The following DNAAF9 variants were observed in gnomAD, a reference collection of about 807,000 sequenced individuals.
DNAAF9 encodes dynein axonemal assembly factor 9.
DNAAF9 carries 90 observed loss-of-function variants against 167.0 expected under a neutral mutation model. That is an observed-to-expected ratio of 0.54 (90% CI 0.45 to 0.64). The LOEUF (loss-of-function observed/expected upper bound fraction) is 0.64. DNAAF9 is among the 30% of genes least tolerant of loss of function. DNAAF9 has a pLI of 0.00. For missense variants in DNAAF9, 1,315 were observed against 1,442.2 expected, an observed-to-expected ratio of 0.91 and a Z score of 1.43; for synonymous variants, 491 against 508.8, an observed-to-expected ratio of 0.96 and a Z score of 0.47.
intron 27 of DNAAF9, among the ~76,000 whole-genome samples, chr20:3,284,859 T>TTGTGTGTGTGTATGTG (rs2068824125): frequency 6.6e-6 from 1 of 151,972 alleles, no homozygotes; most frequent in African/African-American, 2.4e-5. Context: ...TTACTTATAT[T>TTGTGTGTGTGTATGTG]TGTGTGTGTG....
At chr20:3,335,541 G>A (rs1317140969) in intron 10 of DNAAF9, among the ~76,000 whole-genome samples, 1 of 152,084 alleles carries the variant, frequency 6.6e-6, no homozygotes, top group Non-Finnish European at 1.5e-5. Context: ...TGGATCACCT[G>A]AGGTCAGGAG....
chr20:3,397,724 G>T (rs2083930226), intron 1 of DNAAF9, among the ~76,000 whole-genome samples: 1 of 151,508 alleles, frequency 6.6e-6, no homozygotes, highest in Non-Finnish European at 1.5e-5. Context: ...TTTTTTGGGG[G>T]GGGGGAACAT....
intron 30 of DNAAF9, 77 bp from the exon 31 acceptor site, chr20:3,264,601 C>T (rs907322999): frequency 2.9e-5 from 23 of 788,588 alleles, no homozygotes; most frequent in South Asian, 1.3e-4. Context: ...GACGGAGTCT[C>T]GCTCTGTCGC....
At position 3,376,261 on chromosome 20, in the gene DNAAF9, A is replaced by C; in HGVS notation, c.325T>G (p.Cys109Gly). 2 of 1,612,928 alleles carry C rather than the reference A, an allele frequency of 1.2e-6. No individual in the cohort carries two copies. Among genetic ancestry groups the C allele is most frequent in the Non-Finnish European group, 1.7e-6 (2 of 1,179,034 alleles). The change falls in exon 4 of 37, where the codon TGT (cysteine) becomes GGT (glycine). Residue 109 changes from cysteine to glycine, a missense_variant. This residue lies in a region of DNAAF9 where 981 missense variants were observed against 1,012.5 expected (regional missense o/e 0.97). Coordinates refer to ENST00000252032, the MANE Select transcript of DNAAF9 (RefSeq NM_001009984.3). ...AGATAGCGAAAGTTTACAGGATTAC[A>C]GTACAGATGGACGCTATCCGATTTA... ...LIKSDSVHLY[C>G]NPVNFRYLLP...
Position 3,322,635 on chromosome 20 carries a change from C to G in DNAAF9, c.1310+17G>C. The stretch of plus-strand genomic sequence containing the variant: ...AAACTTGCTCCATGTAAGGATGCAC[C>G]ACAATCATATACGCACCTTCCCTGA... On this transcript the variant is annotated intron_variant, in intron 15 of 36. Transcript: ENST00000252032. 1 of 1,598,644 alleles carries G rather than the reference C, an allele frequency of 6.3e-7. No individual in the cohort carries two copies. The highest frequency in any genetic ancestry group is 8.6e-7 in the Non-Finnish European group (1 of 1,165,916).
In DNAAF9 at chr20:3,406,456, C is replaced by A. The variant is rs562034471; in HGVS notation, c.83+1019G>T. Among the ~76,000 whole-genome samples, 26 of 152,264 alleles carry A rather than the reference C, an allele frequency of 1.7e-4. 1 individual carries two copies. In the South Asian group the frequency reaches 4.1e-3, roughly 24 times the overall value. ...ACAGTTTAGCAGTACCAAAGCTCAT[C>A]GCTCGCATTCCCCCTCTCCCTCTCC... On this transcript the variant is annotated intron_variant, in intron 1 of 36. Coordinates refer to ENST00000252032, the MANE Select transcript of DNAAF9 (RefSeq NM_001009984.3).
At chr20:3,313,986 C>T (rs1447174485) in intron 20 of DNAAF9, among the ~76,000 whole-genome samples, 2 of 152,168 alleles carry the variant, frequency 1.3e-5, no homozygotes, top group Non-Finnish European at 2.9e-5. Context: ...TCAAAGCTGC[C>T]ATGGGCTGGT....
intron 7 of DNAAF9, among the ~76,000 whole-genome samples, chr20:3,354,402 A>T (rs2083258181): frequency 6.6e-6 from 1 of 152,260 alleles, no homozygotes; most frequent in African/African-American, 2.4e-5. Context: ...CTTGGCCCTT[A>T]GCCAGAGGAC....
rs912123419 is a variant in DNAAF9, at chr20:3,270,416, C to G, written c.2786+11G>C. 7 of 1,612,964 alleles carry G rather than the reference C, an allele frequency of 4.3e-6. No individual in the cohort carries two copies. Among genetic ancestry groups the G allele is most frequent in the Non-Finnish European group, 5.9e-6 (7 of 1,179,224 alleles). ...AAGCAACTGGTCTTGCAGAGTGAATCTATAGATTACCTGGTGACAATCCCA... is the reference window on the plus strand; with the variant it reads ...AAGCAACTGGTCTTGCAGAGTGAATGTATAGATTACCTGGTGACAATCCCA... On this transcript the variant is annotated intron_variant, in intron 30 of 36. Coordinates refer to ENST00000252032, the MANE Select transcript of DNAAF9 (RefSeq NM_001009984.3).
chr20:3,332,428 A>G (rs1402217756), intron 10 of DNAAF9, 67 bp from the exon 11 acceptor site: 4 of 801,732 alleles, frequency 5.0e-6, no homozygotes, highest in Non-Finnish European at 8.6e-6. Context: ...TAGATAAACA[A>G]AAAGTATAGA....
intron 1 of DNAAF9, among the ~76,000 whole-genome samples, chr20:3,393,227 G>C (rs1351095560): frequency 2.6e-5 from 4 of 152,000 alleles, no homozygotes; most frequent in Non-Finnish European, 5.9e-5. Context: ...GCCCAGGCTA[G>C]AGTAAAGTGG....
intron 8 of DNAAF9, among the ~76,000 whole-genome samples, chr20:3,348,208 AG>A (rs1199013248): frequency 2.6e-5 from 4 of 151,984 alleles, no homozygotes; most frequent in Admixed American, 1.3e-4. Flanking sequence ...CATTATCTGG[AG>A]GTTATACTGA....
chr20:3,316,805 C>CCA lies in DNAAF9; in HGVS notation c.1469-14_1469-13dup, dbSNP rs1568600206. ...GGTAACAGTGCCATCTGCAGGAACA[C>CCA]CACACACATGCCAGTTAATTCCCTA... On this transcript the variant is annotated splice_polypyrimidine_tract_variant and intron_variant, in intron 17 of 36. Transcript: ENST00000252032. The CCA allele has an allele frequency of 3.7e-6, 6 of 1,608,054 alleles. No homozygotes were observed.
At chr20:3,376,543 G>A (rs1030076443) in intron 3 of DNAAF9, among the ~76,000 whole-genome samples, 1 of 152,194 alleles carries the variant, frequency 6.6e-6, no homozygotes, top group African/African-American at 2.4e-5. Context: ...ATACCCTCAG[G>A]AGGTCCTGAG....
At chr20:3,310,385 G>GAAAGAAAGAA (rs1447352364) in intron 20 of DNAAF9, among the ~76,000 whole-genome samples, 3 of 150,768 alleles carry the variant, frequency 2.0e-5, no homozygotes, top group Admixed American at 6.6e-5. Flanking sequence ...AAGAAAGAAA[G>GAAAGAAAGAA]AAAGAATTCC....
At chr20:3,362,147 A>C in intron 6 of DNAAF9, 4 of 1,405,884 alleles carry the variant, frequency 2.8e-6, no homozygotes, top group Non-Finnish European at 4.0e-6. Context: ...CGGTTTTCAT[A>C]AATTGTTCCT....
In DNAAF9 at chr20:3,319,262, C is replaced by CAAAAAAAAAAAAA. The variant is rs57727958; in HGVS notation, c.1357-875_1357-863dup. On this transcript the variant is annotated intron_variant, in intron 16 of 36. Coordinates refer to ENST00000252032, the MANE Select transcript of DNAAF9 (RefSeq NM_001009984.3). ...TGGGCAACGGACCGAGACCCCGTCTCAAAAAAAAAAAAAAAAAAAAAAAAA... is the reference window on the plus strand; with the variant it reads ...TGGGCAACGGACCGAGACCCCGTCTCAAAAAAAAAAAAAAAAAAAAAAAAAAAAAAAAAAAAAA... Among the ~76,000 whole-genome samples the CAAAAAAAAAAAAA allele has an allele frequency of 1.4e-4, 6 of 41,566 alleles. No individual in the cohort carries two copies. The East Asian group carries it at 1.6e-3, about 11-fold the overall frequency. The allele number at this position is 41,566 out of a possible 152,430, so 27.3% of individuals were successfully genotyped here.
At chr20:3,362,251 T>G in intron 6 of DNAAF9, 2 of 1,368,046 alleles carry the variant, frequency 1.5e-6, no homozygotes, top group Admixed American at 1.7e-5. Context: ...TACTCCTTTC[T>G]GGCTTTCTTC....
chr20:3,354,275 G>A (rs187939757), intron 7 of DNAAF9, among the ~76,000 whole-genome samples: 1 of 152,328 alleles, frequency 6.6e-6, no homozygotes, highest in East Asian at 1.9e-4. Context: ...TTGTGGAAAT[G>A]GATACTGTTG....
Sources: allele counts gnomAD v4.1 joint callset (sites outside exome capture counted in the v4.1 genomes callset), GRCh38; gene constraint gnomAD v4.1.1; regional missense constraint gnomAD v4.1.1; transcripts MANE v1.5; gene names NCBI Gene and HGNC (gene_info 2026-07-23, HGNC 2026-07-21).